Variants in DMD observed in about 807,000 individuals in gnomAD.
The protein encoded by DMD is dystrophin.
Under a neutral mutation model 330.1 loss-of-function variants are expected in DMD, and 63 were observed. The observed-to-expected ratio is 0.19, with a 90% confidence interval of 0.16 to 0.24. The LOEUF (loss-of-function observed/expected upper bound fraction) is 0.24. DMD is among the 10% of genes least tolerant of loss of function. The pLI is 1.00. For missense variants in DMD, 3,344 were observed against 2,684.1 expected, an observed-to-expected ratio of 1.25 and a Z score of -5.43; for synonymous variants, 1,223 against 959.8, an observed-to-expected ratio of 1.27 and a Z score of -5.07.
chrX:32,714,770 G>A (rs185903963), intron 7 of DMD, among the ~76,000 whole-genome samples: 20 of 110,871 alleles, frequency 1.8e-4, no homozygotes, highest in Non-Finnish European at 3.6e-4. Flanking sequence ...TTTCTTGTGC[G>A]GTTTACTTCT....
intron 60 of DMD, among the ~76,000 whole-genome samples, chrX:31,372,039 G>C (rs2059611983): frequency 8.9e-6 from 1 of 111,828 alleles, no homozygotes; most frequent in Non-Finnish European, 1.9e-5. Context: ...CACAGTGACT[G>C]GCAGAGTCTC....
chrX:31,374,823 AAAATAAAT>A (rs749126843), intron 60 of DMD, among the ~76,000 whole-genome samples: 1 of 110,846 alleles, frequency 9.0e-6, no homozygotes, highest in Admixed American at 9.6e-5. Flanking sequence ...AAAGTATAAT[AAAATAAAT>A]AAATAAATAA....
At chrX:32,498,246 G>C (rs1255606241) in intron 19 of DMD, among the ~76,000 whole-genome samples, 1 of 111,239 alleles carries the variant, frequency 9.0e-6, no homozygotes, top group Non-Finnish European at 1.9e-5. Flanking sequence ...CTAGTAAAAA[G>C]AGGTACTTTG....
chrX:33,251,261 C>A (rs1248952190), intron 1 of DMD, among the ~76,000 whole-genome samples: 1 of 111,909 alleles, frequency 8.9e-6, no homozygotes, highest in Non-Finnish European at 1.9e-5. Context: ...CTACTTATTT[C>A]TTTGTCTATG....
chrX:33,071,192 C>A (rs2094749948), intron 1 of DMD, among the ~76,000 whole-genome samples: 1 of 110,944 alleles, frequency 9.0e-6, no homozygotes, highest in South Asian at 3.8e-4. Flanking sequence ...TGGCTCACAC[C>A]TGTAATCCCA....
chrX:31,406,373 C>T (rs142047339), intron 60 of DMD, among the ~76,000 whole-genome samples: 1 of 110,315 alleles, frequency 9.1e-6, no homozygotes, highest in South Asian at 3.9e-4. Flanking sequence ...TTCACATGTA[C>T]CGTCAAACCT....
intron 2 of DMD, among the ~76,000 whole-genome samples, chrX:32,950,234 T>G (rs1431793665): frequency 9.0e-6 from 1 of 111,315 alleles, no homozygotes; most frequent in Non-Finnish European, 1.9e-5. Context: ...TAGGATCTAT[T>G]GAGCACTTAA....
At chrX:33,204,793 G>C (rs1353699422) in intron 1 of DMD, among the ~76,000 whole-genome samples, 2 of 112,228 alleles carry the variant, frequency 1.8e-5, no homozygotes, top group African/African-American at 6.5e-5. Context: ...TTAAACTGTG[G>C]TCACCCAAAA....
At chrX:31,914,687 G>A (rs188828728) in intron 47 of DMD, among the ~76,000 whole-genome samples, 254 of 111,832 alleles carry the variant, frequency 2.3e-3, no homozygotes, top group African/African-American at 7.6e-3. Flanking sequence ...CAAAACAATG[G>A]AACTCATGGA....
At chrX:33,200,984 T>G (rs765549221) in intron 1 of DMD, among the ~76,000 whole-genome samples, 1 of 82,232 alleles carries the variant, frequency 1.2e-5, no homozygotes, top group African/African-American at 4.8e-5. Context: ...CAGGCTGGAG[T>G]ACAGTGGCGA....
intron 55 of DMD, among the ~76,000 whole-genome samples, chrX:31,599,025 T>C (rs1296950066): frequency 8.9e-6 from 1 of 111,871 alleles, no homozygotes; most frequent in Non-Finnish European, 1.9e-5. Context: ...AAAGAAGAGA[T>C]TTATGCGATG....
chrX:32,776,442 T>A (rs2074156777), intron 7 of DMD, among the ~76,000 whole-genome samples: 1 of 110,912 alleles, frequency 9.0e-6, no homozygotes, highest in African/African-American at 3.3e-5. Flanking sequence ...GGGTAATTTA[T>A]AAGTAAAAGA....
intron 46 of DMD, among the ~76,000 whole-genome samples, chrX:31,930,220 C>T (rs2094836207): frequency 9.0e-6 from 1 of 110,588 alleles, no homozygotes; most frequent in African/African-American, 3.3e-5. Context: ...CTAACCTTTT[C>T]ACATTTATTA....
At chrX:32,330,758 G>A (rs1364901326) in intron 41 of DMD, among the ~76,000 whole-genome samples, 1 of 111,125 alleles carries the variant, frequency 9.0e-6, no homozygotes, top group Non-Finnish European at 1.9e-5. Context: ...GGAGGCACTA[G>A]ATAAATGTTT....
chrX:33,004,973 C>A (rs1400582931), intron 2 of DMD, among the ~76,000 whole-genome samples: 1 of 111,129 alleles, frequency 9.0e-6, no homozygotes, highest in African/African-American at 3.3e-5. Context: ...TGCTAACTTA[C>A]TAAATTATTT....
intron 44 of DMD, among the ~76,000 whole-genome samples, chrX:32,006,237 T>G (rs928798783): frequency 1.8e-5 from 2 of 111,937 alleles, no homozygotes; most frequent in African/African-American, 6.5e-5. Flanking sequence ...TCTTAGAGAT[T>G]TAGTTTCCAT....
chrX:32,600,486 C>T lies in DMD; in HGVS notation c.1483-4610G>A, dbSNP rs139403017. ...TATGGAAAGAACAGGAAAAGAACAG[C>T]TGTTACCTATATGTAAAGTTTTTTT... On this transcript the variant is annotated intron_variant, in intron 12 of 78. Transcript: ENST00000357033. Among the ~76,000 whole-genome samples, 25 of 99,480 alleles carry T rather than the reference C, an allele frequency of 2.5e-4. No homozygotes were observed. The East Asian group carries it at 8.0e-3, about 32-fold the overall frequency. The allele number at this position is 99,480 out of a possible 115,157, so 86.4% of individuals were successfully genotyped here.
chrX:32,635,122 C>A (rs1053925695), intron 11 of DMD, among the ~76,000 whole-genome samples: 2 of 111,412 alleles, frequency 1.8e-5, no homozygotes, highest in Non-Finnish European at 3.8e-5. Flanking sequence ...TGTGACAGGG[C>A]AGCACTGATT....
chrX:32,572,567 T>A (rs867176070), intron 15 of DMD, among the ~76,000 whole-genome samples: 11 of 98,975 alleles, frequency 1.1e-4, no homozygotes, highest in East Asian at 3.0e-4. Context: ...TTTTTTTTTT[T>A]AAATCTTGGA....
Sources: allele counts gnomAD v4.1 joint callset (sites outside exome capture counted in the v4.1 genomes callset), GRCh38; gene constraint gnomAD v4.1.1; transcripts MANE v1.5; gene names NCBI Gene and HGNC (gene_info 2026-07-23, HGNC 2026-07-21).